SEL1L3: variants seen among roughly 807,000 people sequenced by gnomAD.
The protein encoded by SEL1L3 is SEL1L family member 3, also known as protein sel-1 homolog 3.
SEL1L3 carries 76 observed loss-of-function variants against 142.8 expected under a neutral mutation model. The observed-to-expected ratio is 0.53, with a 90% CI of 0.44 to 0.64. SEL1L3 has a LOEUF of 0.64. Ranked by LOEUF, SEL1L3 falls within the 30% of genes least tolerant of loss-of-function variation. The pLI, the probability that SEL1L3 is intolerant of heterozygous loss-of-function variation, is 0.00. For synonymous variants in SEL1L3, 504 were observed against 519.6 expected, an observed-to-expected ratio of 0.97 and a Z score of 0.41; for missense variants, 1,262 against 1,381.7, an observed-to-expected ratio of 0.91 and a Z score of 1.37.
chr4:25,779,676 C>T (rs1482103752), intron 15 of SEL1L3, among the ~76,000 whole-genome samples: 1 of 152,170 alleles, frequency 6.6e-6, no homozygotes, highest in Admixed American at 6.5e-5. Flanking sequence ...GGTTAGCACA[C>T]ATTTGCTATG....
At chr4:25,770,862 A>T (rs1247063272) in intron 17 of SEL1L3, among the ~76,000 whole-genome samples, 1 of 152,226 alleles carries the variant, frequency 6.6e-6, no homozygotes, top group Non-Finnish European at 1.5e-5. Context: ...CCATGTTCAC[A>T]TCTACTGAGC....
At chr4:25,731,808 C>A in the SEL1L3 span, among the ~76,000 whole-genome samples, 1 of 152,264 alleles carries the variant, frequency 6.6e-6, no homozygotes, top group South Asian at 2.1e-4. Flanking sequence ...TGCAGTGGCT[C>A]ATGCGTGTAA....
At chr4:25,842,052 T>C (rs936760650) in intron 2 of SEL1L3, among the ~76,000 whole-genome samples, 3 of 152,146 alleles carry the variant, frequency 2.0e-5, no homozygotes, top group African/African-American at 7.2e-5. Context: ...ACTGTAACTA[T>C]TGGTAGCCAT....
chr4:25,858,462 C>T (rs1717415193), intron 1 of SEL1L3, among the ~76,000 whole-genome samples: 1 of 152,194 alleles, frequency 6.6e-6, no homozygotes, highest in Non-Finnish European at 1.5e-5. Context: ...GGTGTGTGGC[C>T]ACTTACAGGG....
chr4:25,748,644 G>C, intron 23 of SEL1L3, 80 bp from the exon 24 acceptor site: 1 of 1,462,252 alleles, frequency 6.8e-7, no homozygotes, highest in East Asian at 2.5e-5. Flanking sequence ...AGAGACTCTG[G>C]CAAGCCAGGA....
At position 25,806,019 on chromosome 4, in the gene SEL1L3, T is replaced by G. The variant is rs946677626; in HGVS notation, c.1565-1267A>C. 1.3e-4 allele frequency among the ~76,000 whole-genome samples: 19 copies of G among 150,432 alleles called. No individual in the cohort carries two copies. The East Asian group carries it at 1.6e-3, about 12-fold the overall frequency. The stretch of plus-strand genomic sequence containing the variant: ...CCGTGAAAAATTAAAATGTTGTGGG[T>G]TTTTTTTGTTTTGTTTTGTTTGTTT... On this transcript the variant is annotated intron_variant, in intron 9 of 23. Coordinates refer to ENST00000399878, the MANE Select transcript of SEL1L3 (RefSeq NM_015187.5).
chr4:25,720,714 T>C, the SEL1L3 span: 1 of 152,320 alleles, frequency 6.6e-6, no homozygotes, highest in African/African-American at 2.4e-5. Context: ...TGTTGAGCCG[T>C]AGAGCCCATC....
chr4:25,757,072 A>G (rs1315404698), intron 23 of SEL1L3, among the ~76,000 whole-genome samples: 1 of 152,174 alleles, frequency 6.6e-6, no homozygotes, highest in Non-Finnish European at 1.5e-5. Flanking sequence ...ATTCGAGACC[A>G]GCCTGGCCAA....
the SEL1L3 span, among the ~76,000 whole-genome samples, chr4:25,722,609 C>A: frequency 3.0e-5 from 4 of 134,674 alleles, no homozygotes; most frequent in East Asian, 8.2e-4. Context: ...AAGATACATG[C>A]AGCTCCAAAG....
At chr4:25,714,490 CTTTCTTTCTTTTTCT>C in the SEL1L3 span, among the ~76,000 whole-genome samples, 1 of 78,682 alleles carries the variant, frequency 1.3e-5, no homozygotes, top group African/African-American at 6.8e-5. Flanking sequence ...CTTTCTTTCT[CTTTCTTTCTTTTTCT>C]TTCTTTCTTT....
the SEL1L3 span, among the ~76,000 whole-genome samples, chr4:25,726,203 A>AAG: frequency 8.7e-5 from 13 of 148,732 alleles, no homozygotes; most frequent in Admixed American, 8.3e-4. Flanking sequence ...GGGAAGGGGC[A>AAG]GAAGTTTCTG....
At chr4:25,791,772 G>A (rs192632891) in intron 11 of SEL1L3, among the ~76,000 whole-genome samples, 71 of 152,308 alleles carry the variant, frequency 4.7e-4, no homozygotes, top group African/African-American at 1.7e-3. Context: ...AATTTAATGG[G>A]TGTGGTGGTA....
chr4:25,795,648 C>G (rs1712683978), intron 11 of SEL1L3, among the ~76,000 whole-genome samples: 1 of 152,200 alleles, frequency 6.6e-6, no homozygotes, highest in South Asian at 2.1e-4. Context: ...AGTAGCAGAC[C>G]CAGGACCTGG....
chr4:25,818,993 C>T (rs9991383), intron 8 of SEL1L3, among the ~76,000 whole-genome samples: 17,174 of 152,174 alleles, frequency 0.11, 2,466 homozygotes, highest in African/African-American at 0.32. Context: ...TGAGAAGTTC[C>T]GCTCTGGAGA....
chr4:25,862,590 G>C (rs1239439540), intron 1 of SEL1L3, 85 bp downstream of exon 1: 3 of 656,790 alleles, frequency 4.6e-6, no homozygotes, highest in Non-Finnish European at 6.3e-6. Flanking sequence ...TCCCCGCCCC[G>C]CGTGGCGGGT....
At chr4:25,842,088 T>C (rs753003883) in intron 2 of SEL1L3, among the ~76,000 whole-genome samples, 1 of 152,120 alleles carries the variant, frequency 6.6e-6, no homozygotes, top group Admixed American at 6.5e-5. Flanking sequence ...TTTGTCCTCA[T>C]CTTTAAGCCT....
At chr4:25,852,816 T>G (rs1038925764) in intron 1 of SEL1L3, among the ~76,000 whole-genome samples, 23 of 152,128 alleles carry the variant, frequency 1.5e-4, no homozygotes, top group African/African-American at 5.3e-4. Flanking sequence ...CTCTCCCACT[T>G]TGATAATTTT....
the SEL1L3 span, chr4:25,720,792 AT>A: frequency 6.6e-6 from 1 of 152,198 alleles, no homozygotes; most frequent in Non-Finnish European, 1.5e-5. Context: ...ACCTAAGGCA[AT>A]TGTGATGGAT....
intron 15 of SEL1L3, among the ~76,000 whole-genome samples, 191 bp from the exon 16 acceptor site, chr4:25,779,394 C>A (rs1400540307): frequency 2.0e-5 from 3 of 152,156 alleles, no homozygotes; most frequent in Non-Finnish European, 4.4e-5. Context: ...TATGACCTTG[C>A]CTCATCTATT....
Sources: gnomAD v4.1 joint callset for allele counts (sites outside exome capture counted in the v4.1 genomes callset) on GRCh38, gnomAD v4.1.1 for gene constraint, MANE v1.5 for transcripts, NCBI Gene and HGNC (gene_info 2026-07-23, HGNC 2026-07-21) for gene names.